The following METTL21A variants were observed in gnomAD, a reference collection of about 807,000 sequenced individuals.
The protein encoded by METTL21A is protein N-lysine methyltransferase METTL21A.
A neutral mutation model predicts 20.9 loss-of-function variants in METTL21A; 22 were observed. The ratio of observed to expected loss-of-function variants is 1.05; its 90% confidence interval spans 0.75 to 1.50. The LOEUF (loss-of-function observed/expected upper bound fraction) is 1.50, where lower values mean the gene tolerates loss of function less well. METTL21A is among the 40% of genes most tolerant of loss of function. The pLI is 0.00. For synonymous variants in METTL21A, 93 were observed against 102.0 expected (o/e 0.91, Z 0.53); for missense variants, 271 against 266.8 (o/e 1.02, Z -0.11).
chr2:207,621,844 G>A (rs1216844243), exon 3 of METTL21A: 1 of 1,614,168 alleles, frequency 6.2e-7, no homozygotes, highest in South Asian at 1.1e-5. Context: ...CCCCGTGCCA[G>A]CACCCAGCTC....
intron 3 of METTL21A, among the ~76,000 whole-genome samples, chr2:207,595,300 G>C (rs1257044019): frequency 6.6e-6 from 1 of 151,680 alleles, no homozygotes; most frequent in Non-Finnish European, 1.5e-5. Context: ...AGCCTATATT[G>C]AGCATCTTTT....
At chr2:207,595,771 A>G (rs1393220015) in intron 3 of METTL21A, among the ~76,000 whole-genome samples, 1 of 151,954 alleles carries the variant, frequency 6.6e-6, no homozygotes. Context: ...GTCTTAATAT[A>G]TTGCCCAGGC....
intron 3 of METTL21A, among the ~76,000 whole-genome samples, chr2:207,619,300 T>C (rs556186786): frequency 6.6e-6 from 1 of 152,070 alleles, no homozygotes; most frequent in Admixed American, 6.6e-5. Context: ...TTCTGGTGGG[T>C]TCTCCCCAAA....
chr2:207,619,798 A>G (rs1323414739), intron 3 of METTL21A, among the ~76,000 whole-genome samples: 1 of 152,090 alleles, frequency 6.6e-6, no homozygotes, highest in Non-Finnish European at 1.5e-5. Flanking sequence ...AGAGTAATCA[A>G]CACTCGTGGA....
At chr2:207,617,558 G>A (rs2089938040) in intron 3 of METTL21A, among the ~76,000 whole-genome samples, 1 of 152,252 alleles carries the variant, frequency 6.6e-6, no homozygotes, top group Non-Finnish European at 1.5e-5. Flanking sequence ...AGGCTGAAGA[G>A]TCAGGCAGGA....
chr2:207,598,641 G>C (rs1402435053), intron 3 of METTL21A: 2 of 167,788 alleles, frequency 1.2e-5, no homozygotes, highest in Admixed American at 6.4e-5. Context: ...GTGGTCAAGA[G>C]TTCAAGACCA....
chr2:207,580,867 G>A (rs762393090), downstream of METTL21A: 1 of 218,950 alleles, frequency 4.6e-6, no homozygotes, highest in Non-Finnish European at 9.2e-6. Context: ...AGAGCAGCAC[G>A]TCTTTGAGAA....
chr2:207,591,817 T>C (rs1469694469), intron 3 of METTL21A, among the ~76,000 whole-genome samples: 1 of 152,218 alleles, frequency 6.6e-6, no homozygotes, highest in African/African-American at 2.4e-5. Context: ...TTCTTGTAGA[T>C]GGCATATACT....
At chr2:207,622,867 T>C (rs1395873732) in intron 2 of METTL21A, among the ~76,000 whole-genome samples, 1 of 152,192 alleles carries the variant, frequency 6.6e-6, no homozygotes, top group East Asian at 1.9e-4. Context: ...ATTCCTCTTC[T>C]TGGTGAGCAT....
At chr2:207,608,239 G>T (rs996465173), downstream of METTL21A, among the ~76,000 whole-genome samples, 2 of 152,044 alleles carry the variant, frequency 1.3e-5, no homozygotes, top group African/African-American at 2.4e-5. Flanking sequence ...TTCCCAGTCT[G>T]TCTTCTTTCC....
intron 2 of METTL21A, among the ~76,000 whole-genome samples, chr2:207,622,800 C>T (rs2090652367): frequency 6.6e-6 from 1 of 152,172 alleles, no homozygotes. Flanking sequence ...ATAAAGCTAA[C>T]ATAACTTGTT....
chr2:207,605,369 G>A (rs1434748682), downstream of METTL21A, among the ~76,000 whole-genome samples: 1 of 152,170 alleles, frequency 6.6e-6, no homozygotes, highest in Non-Finnish European at 1.5e-5. Flanking sequence ...TTGAAGAAAT[G>A]TCTGTTGAGG....
chr2:207,612,917 C>T lies in METTL21A; in HGVS notation c.*129G>A, dbSNP rs577299882. The T allele has an allele frequency of 2.8e-5, 26 of 944,020 alleles. No individual in the cohort carries two copies. In the South Asian group the frequency reaches 4.8e-4, roughly 18 times the overall value. 58.5% of individuals were successfully genotyped at this position (944,020 alleles called of 1,614,324 possible). Reference sequence around the variant, plus strand: ...GCTTTGTTTTAAAACTGCACATGTGCTTTCTCCCCTGAGAACCTTTGGCTT... The same window carrying T: ...GCTTTGTTTTAAAACTGCACATGTGTTTTCTCCCCTGAGAACCTTTGGCTT... On this transcript the variant is annotated 3_prime_UTR_variant, in exon 4 of 4. Transcript: ENST00000406927.
At chr2:207,592,695 C>T (rs898179110) in intron 3 of METTL21A, among the ~76,000 whole-genome samples, 2 of 151,758 alleles carry the variant, frequency 1.3e-5, no homozygotes, top group Admixed American at 6.6e-5. Flanking sequence ...CCAAGGCAGG[C>T]GGATCACGAG....
At chr2:207,624,551 A>G (rs1305702798) in intron 1 of METTL21A, 147 bp from the exon 2 acceptor site, 8 of 635,514 alleles carry the variant, frequency 1.3e-5, no homozygotes, top group Non-Finnish European at 1.5e-5. Context: ...TTTCTTTTGC[A>G]TGGCTCTTCC....
downstream of METTL21A, chr2:207,580,914 G>A (rs1218965800): frequency 4.6e-6 from 1 of 217,962 alleles, no homozygotes. Context: ...CTTGATTTTG[G>A]TGAACGTTAC....
intron 3 of METTL21A, chr2:207,598,546 G>T (rs184610034): frequency 4.2e-4 from 75 of 177,496 alleles, no homozygotes; most frequent in Middle Eastern, 2.2e-3. Flanking sequence ...ATAATGTTAG[G>T]TTATAATTTC....
At chr2:207,603,246 A>C (rs2106644826) in intron 3 of METTL21A, 1 of 220,492 alleles carries the variant, frequency 4.5e-6, no homozygotes, top group East Asian at 6.7e-5. Context: ...AACACTATGT[A>C]CATAATAGCT....
downstream of METTL21A, among the ~76,000 whole-genome samples, chr2:207,605,916 TG>T (rs2088013284): frequency 6.6e-6 from 1 of 152,250 alleles, no homozygotes; most frequent in African/African-American, 2.4e-5. Flanking sequence ...TAACTTATGT[TG>T]ATTACTATTT....
Sources: gnomAD v4.1 joint callset for allele counts (sites outside exome capture counted in the v4.1 genomes callset) on GRCh38, gnomAD v4.1.1 for gene constraint, MANE v1.5 for transcripts, NCBI Gene and HGNC (gene_info 2026-07-23, HGNC 2026-07-21) for gene names.